DNAH6: variants seen among roughly 807,000 people sequenced by gnomAD.
The protein encoded by DNAH6 is dynein axonemal heavy chain 6.
DNAH6 carries 340 observed loss-of-function variants against 491.4 expected under a neutral mutation model. The ratio of observed to expected loss-of-function variants is 0.69; its 90% CI spans 0.63 to 0.76. The LOEUF (loss-of-function observed/expected upper bound fraction) is 0.76. Ranked by LOEUF, DNAH6 falls within the 30% of genes least tolerant of loss-of-function variation. DNAH6 has a pLI of 0.00. For synonymous variants in DNAH6, 1,603 were observed against 1,686.1 expected (o/e 0.95, Z 1.21); for missense variants, 4,443 against 4,972.2 (o/e 0.89, Z 3.20).
At chr2:84,683,537 C>G (rs911297409) in intron 42 of DNAH6, among the ~76,000 whole-genome samples, 2 of 149,762 alleles carry the variant, frequency 1.3e-5, no homozygotes, top group Non-Finnish European at 3.0e-5. Flanking sequence ...ATTCTGTAGC[C>G]TCAGCCTCCC....
chr2:84,733,334 A>G lies in DNAH6; in HGVS notation c.10207-110A>G, dbSNP rs946458193. 1.1e-5 allele frequency: 10 copies of G among 898,668 alleles called. No homozygotes were observed. The African/African-American group carries it at 1.5e-4, about 14-fold the overall frequency. The allele number at this position is 898,668 out of a possible 1,614,324, so 55.7% of individuals were successfully genotyped here. On this transcript the variant is annotated intron_variant, in intron 61 of 76. Coordinates refer to ENST00000389394, the MANE Select transcript of DNAH6 (RefSeq NM_001370.2). ...CCATATTGTACTACTTGTCCTAGGA[A>G]AATGGTTATTTTAACATACTATTAG...
At chr2:84,643,957 A>G (rs952367830) in intron 33 of DNAH6, among the ~76,000 whole-genome samples, 5 of 151,862 alleles carry the variant, frequency 3.3e-5, no homozygotes, top group Non-Finnish European at 5.9e-5. Flanking sequence ...AGTATGCCTC[A>G]TAATATTTTC....
At chr2:84,465,455 A>G in the DNAH6 span, among the ~76,000 whole-genome samples, 1 of 152,140 alleles carries the variant, frequency 6.6e-6, no homozygotes, top group Non-Finnish European at 1.5e-5. Flanking sequence ...AGATTGCACC[A>G]CTGCACTCCA....
the DNAH6 span, among the ~76,000 whole-genome samples, chr2:84,477,844 G>A: frequency 6.6e-6 from 1 of 152,210 alleles, no homozygotes; most frequent in Non-Finnish European, 1.5e-5. Context: ...ATGTGCTAAA[G>A]CTTTGTATGA....
chr2:84,682,033 C>T (rs1693828974), intron 42 of DNAH6, among the ~76,000 whole-genome samples: 1 of 152,166 alleles, frequency 6.6e-6, no homozygotes, highest in Non-Finnish European at 1.5e-5. Flanking sequence ...GACCCATATC[C>T]CCTGATGGTA....
chr2:84,634,674 C>T (rs1222296174), intron 30 of DNAH6, 33 bp downstream of exon 30: 4 of 1,468,008 alleles, frequency 2.7e-6, no homozygotes, highest in Admixed American at 2.8e-5. Flanking sequence ...TTCAAGGTAG[C>T]AATCCTTAAA....
chr2:84,670,013 T>TC (rs2104662544), intron 38 of DNAH6, among the ~76,000 whole-genome samples: 1 of 152,296 alleles, frequency 6.6e-6, no homozygotes, highest in African/African-American at 2.4e-5. Flanking sequence ...CTTCACCGTT[T>TC]CCCCAAAAAA....
chr2:84,536,296 C>T (rs1305141082), intron 4 of DNAH6, among the ~76,000 whole-genome samples: 1 of 152,020 alleles, frequency 6.6e-6, no homozygotes, highest in Non-Finnish European at 1.5e-5. Context: ...ACCTGGGTTA[C>T]TTAATTGACA....
At chr2:84,640,221 G>A (rs542795014) in intron 31 of DNAH6, among the ~76,000 whole-genome samples, 10 of 152,300 alleles carry the variant, frequency 6.6e-5, no homozygotes, top group Admixed American at 5.2e-4. Flanking sequence ...AACAGAATCA[G>A]TGCCTAGGTA....
At chr2:84,551,047 A>G (rs929206024) in intron 9 of DNAH6, among the ~76,000 whole-genome samples, 4 of 152,162 alleles carry the variant, frequency 2.6e-5, no homozygotes, top group Admixed American at 6.5e-5. Flanking sequence ...CTTAGTACTA[A>G]TAGCTTCTTT....
rs759693869 is a variant in DNAH6, at chr2:84,548,250, A to T, written c.1187-38A>T. The stretch of plus-strand genomic sequence containing the variant: ...ATATTGAAAGAGATGGAACTTTTAC[A>T]CAAGTACACTTGTTGTTGTTCCTTC... On this transcript the variant is annotated intron_variant, in intron 7 of 76. Coordinates refer to ENST00000389394, the MANE Select transcript of DNAH6 (RefSeq NM_001370.2). 4.5e-6 allele frequency: 7 copies of T among 1,556,558 alleles called. No homozygotes were observed. In the East Asian group the frequency reaches 1.6e-4, roughly 35 times the overall value.
intron 16 of DNAH6, 94 bp from the exon 17 acceptor site, chr2:84,593,878 C>A: frequency 1.7e-6 from 1 of 588,656 alleles, no homozygotes; most frequent in Non-Finnish European, 2.8e-6. Flanking sequence ...TTCTTCCAAG[C>A]AATCACTGTA....
intron 40 of DNAH6, among the ~76,000 whole-genome samples, chr2:84,676,415 C>A (rs1693237901): frequency 6.6e-6 from 1 of 152,100 alleles, no homozygotes; most frequent in Admixed American, 6.5e-5. Flanking sequence ...ATGTGCCTTA[C>A]TGAAAAAAAT....
intron 18 of DNAH6, among the ~76,000 whole-genome samples, chr2:84,602,927 A>G (rs1402719021): frequency 7.2e-6 from 1 of 138,456 alleles, no homozygotes; most frequent in Non-Finnish European, 1.6e-5. Context: ...TATCTCTTAT[A>G]CTGTTTTTTT....
rs781087352 is a variant in DNAH6, at chr2:84,685,316, TA to T, written c.6917-4del. 10 of 1,449,096 alleles carry T rather than the reference TA, an allele frequency of 6.9e-6. No individual in the cohort carries two copies. In the South Asian group the frequency reaches 1.3e-4, roughly 19 times the overall value. 89.8% of individuals were successfully genotyped at this position (1,449,096 alleles called of 1,614,324 possible). A position where few individuals can be genotyped will look rare whatever the true frequency, so the allele number is the denominator to read the frequency against. On this transcript the variant is annotated splice_polypyrimidine_tract_variant and intron_variant, in intron 42 of 76. Coordinates refer to ENST00000389394, the MANE Select transcript of DNAH6 (RefSeq NM_001370.2). ...TTTTTCTTTTTTTTTTTCCTTTTCT[TA>T]AAAAACAGGTATCCTCCAATGTGAT... is the stretch of plus-strand genomic sequence containing the variant.
intron 11 of DNAH6, among the ~76,000 whole-genome samples, chr2:84,558,939 C>T (rs1382565598): frequency 6.6e-6 from 1 of 152,148 alleles, no homozygotes; most frequent in Non-Finnish European, 1.5e-5. Context: ...CTGTAATTTT[C>T]AAACCTAAAA....
chr2:84,518,072 T>C lies in DNAH6; in HGVS notation c.225+21T>C, dbSNP rs1403811184. 4.6e-6 allele frequency: 7 copies of C among 1,515,878 alleles called. No homozygotes were observed. In the South Asian group the frequency reaches 8.9e-5, roughly 19 times the overall value. 93.9% of individuals were successfully genotyped at this position (1,515,878 alleles called of 1,614,324 possible). The stretch of plus-strand genomic sequence containing the variant: ...CTTTGGTAAGTTCAAAAACCATTGT[T>C]TTAGCCTCTGTAGCCACAGAGGAAG... On this transcript the variant is annotated intron_variant, in intron 2 of 76. Transcript: ENST00000389394.
At chr2:84,501,966 C>A in the DNAH6 span, among the ~76,000 whole-genome samples, 2 of 151,634 alleles carry the variant, frequency 1.3e-5, no homozygotes, top group Admixed American at 6.6e-5. Flanking sequence ...TTTAACTTTT[C>A]AAAAAACCAA....
At chr2:84,599,613 A>G (rs1685027166) in intron 18 of DNAH6, among the ~76,000 whole-genome samples, 2 of 152,202 alleles carry the variant, frequency 1.3e-5, no homozygotes, top group South Asian at 2.1e-4. Context: ...GGAAATGACT[A>G]TCCTCCCCAG....
Sources: allele counts gnomAD v4.1 joint callset (sites outside exome capture counted in the v4.1 genomes callset), GRCh38; gene constraint gnomAD v4.1.1; transcripts MANE v1.5; gene names NCBI Gene and HGNC (gene_info 2026-07-23, HGNC 2026-07-21).